The following PCDHA6 variants were observed in gnomAD, a reference collection of about 807,000 sequenced individuals.
PCDHA6 encodes the protein protocadherin alpha-6.
In PCDHA6, 55 loss-of-function variants were observed where a neutral mutation model predicts 60.3. The ratio of observed to expected loss-of-function variants is 0.91; its 90% CI spans 0.73 to 1.14. The LOEUF (loss-of-function observed/expected upper bound fraction) is 1.14. Among genes scored for constraint, PCDHA6 ranks in the 50% most tolerant of loss-of-function variants. The probability of loss-of-function intolerance (pLI) is 0.00; values close to 1 mark genes in which losing one functional copy is unlikely to be tolerated. For synonymous variants in PCDHA6, 652 were observed against 557.9 expected (o/e 1.17, Z -2.38); for missense variants, 1,327 against 1,256.5 (o/e 1.06, Z -0.85).
At chr5:140,836,800 A>C (rs1774751613) in intron 1 of PCDHA6, 1 of 1,349,242 alleles carries the variant, frequency 7.4e-7, no homozygotes, top group Non-Finnish European at 1.0e-6. Flanking sequence ...TGGTCTCCTT[A>C]AATTTTCTTT....
At chr5:140,861,618 C>T (rs1035938345) in intron 1 of PCDHA6, 1 of 340,802 alleles carries the variant, frequency 2.9e-6, no homozygotes, top group Non-Finnish European at 6.0e-6. Flanking sequence ...AGACAACCTG[C>T]CAGTGTTCTC....
intron 1 of PCDHA6, chr5:140,865,906 T>A (rs2153227023): frequency 6.6e-6 from 1 of 152,286 alleles, no homozygotes; most frequent in Non-Finnish European, 1.5e-5. Flanking sequence ...CAGGCAAATC[T>A]TTCTTTCTGT....
intron 1 of PCDHA6, chr5:140,882,819 A>G: frequency 6.2e-7 from 1 of 1,614,244 alleles, no homozygotes; most frequent in Non-Finnish European, 8.5e-7. Flanking sequence ...GACGCACAAA[A>G]CAGTCTTGAG....
chr5:140,837,159 G>C (rs2150273625), intron 1 of PCDHA6: 152,415 of 152,748 alleles, frequency 1, 76,046 homozygotes, highest in East Asian at 1. Flanking sequence ...ATAAAATATA[G>C]CTGTGTCAAA....
intron 3 of PCDHA6, among the ~76,000 whole-genome samples, chr5:141,004,659 G>C (rs1012907350): frequency 1.3e-5 from 2 of 152,182 alleles, no homozygotes; most frequent in Admixed American, 1.3e-4. Context: ...GGCTCTGAGG[G>C]CAACTAAAGG....
intron 1 of PCDHA6, chr5:140,867,194 C>T (rs185502341): frequency 1.6e-3 from 248 of 152,260 alleles, no homozygotes; most frequent in African/African-American, 5.7e-3. Context: ...CAAGACTCCA[C>T]ATTCCATGTA....
At position 141,012,270 on chromosome 5, in the gene PCDHA6, G is replaced by A. The variant is rs782033901; in HGVS notation, c.*2333G>A. On this transcript the variant is annotated 3_prime_UTR_variant, in exon 4 of 4. Coordinates refer to ENST00000529310, the MANE Select transcript of PCDHA6 (RefSeq NM_018909.4). ...TATTACAGCTGTAAGGATAAAACAC[G>A]TCATGTGGATTCATTTTGAATTGGT... is the stretch of plus-strand genomic sequence containing the variant. 4 of 153,734 alleles carry A rather than the reference G, an allele frequency of 2.6e-5. No individual in the cohort carries two copies. The highest frequency in any genetic ancestry group is 5.9e-5 in the Non-Finnish European group (4 of 68,028). 9.5% of individuals were successfully genotyped at this position (153,734 alleles called of 1,614,324 possible).
At chr5:140,897,610 C>T (rs1439314706) in intron 1 of PCDHA6, among the ~76,000 whole-genome samples, 2 of 152,078 alleles carry the variant, frequency 1.3e-5, no homozygotes, top group East Asian at 1.9e-4. Context: ...TGGGTTGGTT[C>T]CAAGTCTTTA....
chr5:140,851,054 T>G, intron 1 of PCDHA6: 1 of 1,379,124 alleles, frequency 7.3e-7, no homozygotes, highest in Non-Finnish European at 9.5e-7. Context: ...GACTTTGTCT[T>G]GACTTCTAGT....
chr5:140,879,469 G>A (rs1438617682), intron 1 of PCDHA6, among the ~76,000 whole-genome samples: 2 of 152,166 alleles, frequency 1.3e-5, no homozygotes, highest in Non-Finnish European at 2.9e-5. Context: ...AGAGAATACC[G>A]TTGTGATTGG....
intron 1 of PCDHA6, among the ~76,000 whole-genome samples, chr5:140,977,965 C>T (rs782117847): frequency 3.3e-5 from 5 of 152,150 alleles, no homozygotes; most frequent in Non-Finnish European, 5.9e-5. Context: ...CCTCAATCTC[C>T]GCCCATGAAA....
chr5:140,832,014 A>T (rs2150199112), intron 1 of PCDHA6, among the ~76,000 whole-genome samples: 4 of 152,220 alleles, frequency 2.6e-5, no homozygotes, highest in Non-Finnish European at 5.9e-5. Context: ...CATTTTACGT[A>T]AAGATTGAAT....
In PCDHA6 at chr5:140,830,049, AC is replaced by A; in HGVS notation, c.1960del (p.His654ThrfsTer6). 1 of 1,613,626 alleles carries A rather than the reference AC, an allele frequency of 6.2e-7. No individual in the cohort carries two copies. Among genetic ancestry groups the A allele is most frequent in the Non-Finnish European group, 8.5e-7 (1 of 1,179,872 alleles). ...CACCGGCTGCTGGTGCTGGTGAAAG[AC>A]CACGGTGAGCCGGCGCTGACAGCGA... ...PRHRLLVLVK[D>X]HGEPALTATA... On this transcript the variant is annotated frameshift_variant, in exon 1 of 4. Transcript: ENST00000529310. LOFTEE classifies it high-confidence loss of function.
At chr5:140,836,566 C>A (rs1774576501) in intron 1 of PCDHA6, 1 of 1,613,742 alleles carries the variant, frequency 6.2e-7, no homozygotes. Context: ...GCGCCGTCCT[C>A]TGAGGGCGCA....
At chr5:140,891,708 C>T (rs1422243783) in intron 1 of PCDHA6, among the ~76,000 whole-genome samples, 1 of 152,066 alleles carries the variant, frequency 6.6e-6, no homozygotes, top group Admixed American at 6.6e-5. Context: ...TGAATTTGTA[C>T]CCCCAAATTC....
intron 1 of PCDHA6, among the ~76,000 whole-genome samples, chr5:140,964,203 C>T (rs2095816993): frequency 6.6e-6 from 1 of 152,212 alleles, no homozygotes; most frequent in African/African-American, 2.4e-5. Context: ...TATACCATCT[C>T]TTTAGTACAA....
chr5:140,836,634 T>C (rs1554136166), intron 1 of PCDHA6: 3 of 1,613,416 alleles, frequency 1.9e-6, no homozygotes, highest in Non-Finnish European at 8.5e-7. Context: ...CTGGTCATTC[T>C]CCCAGCAGAG....
intron 1 of PCDHA6, chr5:140,848,611 C>A (rs2150414621): frequency 6.3e-7 from 1 of 1,593,572 alleles, no homozygotes; most frequent in African/African-American, 1.3e-5. Flanking sequence ...CCGGAGGAAG[C>A]CGAACACGGC....
chr5:140,843,424 C>A (rs1266105482), intron 1 of PCDHA6: 2 of 1,596,008 alleles, frequency 1.3e-6, no homozygotes, highest in Non-Finnish European at 1.7e-6. Flanking sequence ...TGTACCTGAT[C>A]ATCGCCATCT....
Sources: allele counts gnomAD v4.1 joint callset (sites outside exome capture counted in the v4.1 genomes callset), GRCh38; gene constraint gnomAD v4.1.1; transcripts MANE v1.5; gene names NCBI Gene and HGNC (gene_info 2026-07-23, HGNC 2026-07-21).